The following ST3GAL3 variants were observed in gnomAD, a reference collection of about 807,000 sequenced individuals.
ST3GAL3 encodes the protein ST3 beta-galactoside alpha-2,3-sialyltransferase 3.
In ST3GAL3, 21 loss-of-function variants were observed where a neutral mutation model predicts 50.1. The observed-to-expected ratio is 0.42, with a 90% CI of 0.30 to 0.60. The LOEUF is 0.60. Among genes scored for constraint, ST3GAL3 ranks in the 20% least tolerant of loss-of-function variants. The pLI is 0.19. For synonymous variants in ST3GAL3, 183 were observed against 190.0 expected (o/e 0.96, Z 0.30); for missense variants, 353 against 489.4 (o/e 0.72, Z 2.63).
chr1:43,800,841 C>T (rs1175380484), intron 3 of ST3GAL3, among the ~76,000 whole-genome samples: 11 of 152,208 alleles, frequency 7.2e-5, no homozygotes, highest in Admixed American at 7.2e-4. Flanking sequence ...TCTTCCTCCA[C>T]CCAAGCCATG....
At chr1:43,757,904 G>T (rs1688703647) in intron 2 of ST3GAL3, among the ~76,000 whole-genome samples, 1 of 152,080 alleles carries the variant, frequency 6.6e-6, no homozygotes, top group African/African-American at 2.4e-5. Context: ...CTTTACTGTT[G>T]TACTTTACTA....
chr1:43,730,298 G>C (rs983477849), intron 1 of ST3GAL3, among the ~76,000 whole-genome samples: 6 of 152,184 alleles, frequency 3.9e-5, no homozygotes, highest in Admixed American at 6.5e-5. Flanking sequence ...GCCTTGGGCT[G>C]TGGTCACTGT....
intron 2 of ST3GAL3, among the ~76,000 whole-genome samples, chr1:43,771,482 G>A (rs1039395798): frequency 1.3e-5 from 2 of 151,430 alleles, no homozygotes; most frequent in Non-Finnish European, 2.9e-5. Flanking sequence ...CTCAGCCTCC[G>A]GAATAGCTGG....
chr1:43,869,192 A>G (rs993089178), intron 5 of ST3GAL3, among the ~76,000 whole-genome samples: 2 of 152,152 alleles, frequency 1.3e-5, no homozygotes, highest in Non-Finnish European at 2.9e-5. Context: ...CAGCCCATTC[A>G]TTTCAAGATA....
intron 4 of ST3GAL3, chr1:43,831,526 T>C (rs1326706457): frequency 6.6e-6 from 1 of 152,258 alleles, no homozygotes; most frequent in Non-Finnish European, 1.5e-5. Flanking sequence ...TATTGTCAAA[T>C]GTATCATTGC....
chr1:43,710,021 T>C (rs770744229), intron 1 of ST3GAL3, among the ~76,000 whole-genome samples: 7 of 152,132 alleles, frequency 4.6e-5, no homozygotes, highest in Non-Finnish European at 7.4e-5. Flanking sequence ...TCTTCTTTTT[T>C]TCTCCCCGTG....
chr1:43,749,670 G>A (rs1216068760), intron 2 of ST3GAL3, among the ~76,000 whole-genome samples: 1 of 152,214 alleles, frequency 6.6e-6, no homozygotes, highest in Non-Finnish European at 1.5e-5. Flanking sequence ...TAAGCACCTT[G>A]CTATGGTTTG....
In ST3GAL3 at chr1:43,899,795, C is replaced by T. The variant is rs1281426073; in HGVS notation, c.744+68C>T. 13 of 1,425,906 alleles carry T rather than the reference C, an allele frequency of 9.1e-6. No individual in the cohort carries two copies. The East Asian group carries it at 2.7e-4, about 30-fold the overall frequency. The allele number at this position is 1,425,906 out of a possible 1,614,324, so 88.3% of individuals were successfully genotyped here. ...CTTCCGCAACTCCTAAGCAATCCCG[C>T]CCCTTGAATGCAGCAAAGAACGAGT... On this transcript the variant is annotated intron_variant, in intron 9 of 11. Coordinates refer to ENST00000347631, the MANE Select transcript of ST3GAL3 (RefSeq NM_006279.5). This position sits in a 1 kb window ranked among gnomAD's most constrained non-coding sequence, Gnocchi z 5.4.
chr1:43,728,322 A>G (rs1673935342), intron 1 of ST3GAL3, among the ~76,000 whole-genome samples: 1 of 147,830 alleles, frequency 6.8e-6, no homozygotes, highest in Non-Finnish European at 1.5e-5. Flanking sequence ...CTGGGCAACA[A>G]GAGCGAAACT....
chr1:43,796,362 A>G (rs1221100884), intron 3 of ST3GAL3, among the ~76,000 whole-genome samples: 3 of 152,224 alleles, frequency 2.0e-5, no homozygotes, highest in Non-Finnish European at 2.9e-5. Flanking sequence ...AGGGAAAGGG[A>G]GCTCAGGAAA....
intron 1 of ST3GAL3, among the ~76,000 whole-genome samples, chr1:43,728,808 A>T (rs1198433860): frequency 6.6e-6 from 1 of 152,198 alleles, no homozygotes; most frequent in Non-Finnish European, 1.5e-5. Flanking sequence ...ATTTATTTTT[A>T]TGTCTTTGTA....
chr1:43,829,995 CTTTTTTTTTT>C (rs71579312), intron 4 of ST3GAL3, among the ~76,000 whole-genome samples: 40 of 70,128 alleles, frequency 5.7e-4, no homozygotes, highest in Admixed American at 6.9e-4. Flanking sequence ...ATAAAAATTC[CTTTTTTTTTT>C]TTTTTTTTTT....
chr1:43,920,970 G>A (rs3764833), intron 11 of ST3GAL3, 42 bp downstream of exon 11: 2 of 1,563,670 alleles, frequency 1.3e-6, no homozygotes, highest in Non-Finnish European at 1.7e-6. Context: ...GTGGGGATGA[G>A]GGGGAGGTGC....
chr1:43,712,291 G>A (rs1035759064), intron 1 of ST3GAL3, among the ~76,000 whole-genome samples: 1 of 152,192 alleles, frequency 6.6e-6, no homozygotes, highest in Admixed American at 6.5e-5. Context: ...CAGAAATACA[G>A]GTAGAAGGGT....
At chr1:43,795,917 C>T (rs1033301979) in intron 3 of ST3GAL3, among the ~76,000 whole-genome samples, 1 of 152,146 alleles carries the variant, frequency 6.6e-6, no homozygotes, top group East Asian at 1.9e-4. Flanking sequence ...GGACTCAAGG[C>T]ACCCCAAACC....
chr1:43,840,901 G>T (rs948168083), intron 5 of ST3GAL3: 1 of 152,238 alleles, frequency 6.6e-6, no homozygotes, highest in African/African-American at 2.4e-5. Context: ...GATACAATGG[G>T]GGTATAGGCA....
chr1:43,710,713 T>G (rs1329598299), intron 1 of ST3GAL3, among the ~76,000 whole-genome samples: 3 of 152,264 alleles, frequency 2.0e-5, no homozygotes, highest in African/African-American at 7.2e-5. Context: ...TTTTCTATCT[T>G]AAATAGTCTC....
At chr1:43,804,687 A>G (rs2059674328) in intron 3 of ST3GAL3, among the ~76,000 whole-genome samples, 1 of 152,228 alleles carries the variant, frequency 6.6e-6, no homozygotes, top group Non-Finnish European at 1.5e-5. Flanking sequence ...TGTGGCAGAC[A>G]GTTAGTTGCG....
intron 1 of ST3GAL3, among the ~76,000 whole-genome samples, chr1:43,735,820 T>G (rs1202881433): frequency 6.6e-6 from 1 of 152,254 alleles, no homozygotes; most frequent in Non-Finnish European, 1.5e-5. Flanking sequence ...GATTTTGTGT[T>G]ATTAAAAGAC....
Sources: allele counts gnomAD v4.1 joint callset (sites outside exome capture counted in the v4.1 genomes callset), GRCh38; gene constraint gnomAD v4.1.1; non-coding constraint Gnocchi (gnomAD v3.1); transcripts MANE v1.5; gene names NCBI Gene and HGNC (gene_info 2026-07-23, HGNC 2026-07-21).